RAD51B: variants seen among roughly 807,000 people sequenced by gnomAD.
RAD51B encodes DNA repair protein RAD51 homolog 2.
In RAD51B, 38 loss-of-function variants were observed where a neutral mutation model predicts 42.2. That is an observed-to-expected ratio of 0.90 (90% CI 0.70 to 1.18). The LOEUF (loss-of-function observed/expected upper bound fraction) is 1.18, where lower values mean the gene tolerates loss of function less well. Among genes scored for constraint, RAD51B ranks in the 50% most tolerant of loss-of-function variants. The pLI is 0.00. For synonymous variants in RAD51B, 154 were observed against 145.2 expected, an observed-to-expected ratio of 1.06 and a Z score of -0.43; for missense variants, 373 against 400.7, an observed-to-expected ratio of 0.93 and a Z score of 0.59.
At chr14:67,953,934 T>A (rs2074500995) in intron 7 of RAD51B, among the ~76,000 whole-genome samples, 1 of 152,106 alleles carries the variant, frequency 6.6e-6, no homozygotes, top group South Asian at 2.1e-4. Context: ...TGAAAAGAAA[T>A]GTGTGCTTTG....
intron 10 of RAD51B, among the ~76,000 whole-genome samples, chr14:68,529,929 T>C (rs996356175): frequency 6.6e-6 from 1 of 151,896 alleles, no homozygotes; most frequent in African/African-American, 2.4e-5. Flanking sequence ...TTGGCAAATA[T>C]GAAAAAGAAT....
At chr14:67,858,995 A>G (rs756586068) in intron 4 of RAD51B, among the ~76,000 whole-genome samples, 2 of 152,220 alleles carry the variant, frequency 1.3e-5, no homozygotes, top group Non-Finnish European at 2.9e-5. Flanking sequence ...GGGTATGTAA[A>G]ATGTTTCATT....
chr14:68,550,126 T>C (rs1888457522), intron 10 of RAD51B, among the ~76,000 whole-genome samples: 2 of 152,226 alleles, frequency 1.3e-5, no homozygotes, highest in Non-Finnish European at 2.9e-5. Context: ...GCTCACTTCC[T>C]GTGCACACGC....
At chr14:68,631,620 G>A (rs1892229503) in intron 10 of RAD51B, among the ~76,000 whole-genome samples, 1 of 152,212 alleles carries the variant, frequency 6.6e-6, no homozygotes. Flanking sequence ...AAAGCAAAGA[G>A]TATAAGGTGC....
chr14:68,080,603 C>T (rs929209110), intron 7 of RAD51B, among the ~76,000 whole-genome samples: 1 of 152,172 alleles, frequency 6.6e-6, no homozygotes, highest in African/African-American at 2.4e-5. Flanking sequence ...TTGGTCTGCT[C>T]AGATGCCTTC....
intron 7 of RAD51B, among the ~76,000 whole-genome samples, chr14:68,084,560 A>G (rs1566631512): frequency 6.6e-6 from 1 of 152,182 alleles, no homozygotes. Context: ...TTAAATATGG[A>G]TCCTGAACAG....
chr14:68,158,967 T>G (rs8009237), intron 7 of RAD51B, among the ~76,000 whole-genome samples: 4,551 of 152,242 alleles, frequency 0.03, 197 homozygotes, highest in African/African-American at 0.093. Context: ...GACACCAAAG[T>G]AAGTGTTAGA....
chr14:68,151,906 T>C (rs1427477366), intron 7 of RAD51B, among the ~76,000 whole-genome samples: 1 of 125,562 alleles, frequency 8.0e-6, no homozygotes, highest in African/African-American at 3.0e-5. Flanking sequence ...TGCAATGGCA[T>C]GATCTTGGCT....
chr14:68,422,205 G>A (rs2084718842), intron 9 of RAD51B: 1 of 1,050,256 alleles, frequency 9.5e-7, no homozygotes, highest in Admixed American at 1.7e-5. Flanking sequence ...ATGGCTAATA[G>A]TACACGGTTT....
chr14:67,954,905 A>G (rs1222458336), intron 7 of RAD51B, among the ~76,000 whole-genome samples: 1 of 152,142 alleles, frequency 6.6e-6, no homozygotes, highest in Non-Finnish European at 1.5e-5. Flanking sequence ...TCAAGTATAT[A>G]GGTTGAGTTA....
chr14:68,497,983 A>G (rs1170711555), intron 10 of RAD51B: 1 of 109,552 alleles, frequency 9.1e-6, no homozygotes, highest in African/African-American at 4.9e-5. Flanking sequence ...TTGCATACAC[A>G]TGTATTTATT....
chr14:68,449,355 C>T (rs2085499744), intron 9 of RAD51B, among the ~76,000 whole-genome samples: 3 of 152,144 alleles, frequency 2.0e-5, no homozygotes. Flanking sequence ...CCTAGGGACC[C>T]CAAAGAGCAT....
chr14:68,597,092 T>A (rs1410765283), downstream of RAD51B, among the ~76,000 whole-genome samples: 1 of 152,216 alleles, frequency 6.6e-6, no homozygotes, highest in Non-Finnish European at 1.5e-5. Flanking sequence ...TCAGAAGAAA[T>A]TAGCCAGCTA....
At chr14:68,059,989 T>C (rs1197676149) in intron 7 of RAD51B, among the ~76,000 whole-genome samples, 1 of 152,222 alleles carries the variant, frequency 6.6e-6, no homozygotes, top group African/African-American at 2.4e-5. Flanking sequence ...AAACCTGAAA[T>C]ATCTTTCAGA....
chr14:68,514,894 G>A (rs1886024869), intron 10 of RAD51B, among the ~76,000 whole-genome samples: 2 of 152,168 alleles, frequency 1.3e-5, no homozygotes, highest in South Asian at 4.1e-4. Flanking sequence ...AGAAAAAAGA[G>A]TGAAAGGCTC....
intron 8 of RAD51B, among the ~76,000 whole-genome samples, chr14:68,311,778 T>C (rs1426418523): frequency 6.6e-6 from 1 of 152,136 alleles, no homozygotes; most frequent in African/African-American, 2.4e-5. Flanking sequence ...TCCCAGCTAC[T>C]CGGGAGGCTG....
intron 10 of RAD51B, among the ~76,000 whole-genome samples, chr14:68,485,885 C>T (rs1883585537): frequency 6.6e-6 from 1 of 152,222 alleles, no homozygotes; most frequent in Admixed American, 6.5e-5. Flanking sequence ...CGACTAGTCA[C>T]GTGTGGTGTT....
intron 7 of RAD51B, among the ~76,000 whole-genome samples, chr14:67,916,931 A>T (rs1414988376): frequency 1.3e-5 from 2 of 152,216 alleles, no homozygotes; most frequent in Non-Finnish European, 2.9e-5. Context: ...TGTTAAAAAT[A>T]ATAATTGCTG....
chr14:68,528,405 T>A (rs921901592), intron 10 of RAD51B, among the ~76,000 whole-genome samples: 1 of 152,242 alleles, frequency 6.6e-6, no homozygotes, highest in Admixed American at 6.5e-5. Flanking sequence ...AACCAACTTA[T>A]TGCATATGTG....
Sources: gnomAD v4.1 joint callset for allele counts (sites outside exome capture counted in the v4.1 genomes callset) on GRCh38, gnomAD v4.1.1 for gene constraint, MANE v1.5 for transcripts, NCBI Gene and HGNC (gene_info 2026-07-23, HGNC 2026-07-21) for gene names.